The following SH3BGRL2 variants were observed in gnomAD, a reference collection of about 807,000 sequenced individuals.
SH3BGRL2 encodes the protein SH3 domain binding glutamate rich protein like 2.
A neutral mutation model predicts 14.8 loss-of-function variants in SH3BGRL2; 21 were observed. The observed-to-expected ratio is 1.42, with a 90% CI of 1.01 to 2.05. The LOEUF (loss-of-function observed/expected upper bound fraction) is 2.05, where lower values mean the gene tolerates loss of function less well. Ranked by LOEUF, SH3BGRL2 falls within the 30% of genes most tolerant of loss-of-function variation. SH3BGRL2 has a pLI of 0.00. For synonymous variants in SH3BGRL2, 50 were observed against 47.8 expected (o/e 1.05, Z -0.19); for missense variants, 147 against 130.8 (o/e 1.12, Z -0.61).
the SH3BGRL2 span, among the ~76,000 whole-genome samples, chr6:79,593,135 C>G: frequency 6.6e-6 from 1 of 152,274 alleles, no homozygotes; most frequent in African/African-American, 2.4e-5. Context: ...TCATGGAAAT[C>G]TTAGTTTAAA....
At chr6:79,636,207 G>A (rs1369065032) in intron 1 of SH3BGRL2, among the ~76,000 whole-genome samples, 2 of 152,180 alleles carry the variant, frequency 1.3e-5, no homozygotes, top group African/African-American at 2.4e-5. Flanking sequence ...CTCAGGTGGG[G>A]GGACCTTTAG....
chr6:79,649,177 C>T (rs1488721160), intron 1 of SH3BGRL2, among the ~76,000 whole-genome samples: 1 of 152,176 alleles, frequency 6.6e-6, no homozygotes, highest in Non-Finnish European at 1.5e-5. Context: ...TGGAGAATTC[C>T]AGAAGCATAG....
At chr6:79,678,417 C>T (rs917241032) in intron 2 of SH3BGRL2, among the ~76,000 whole-genome samples, 3 of 152,146 alleles carry the variant, frequency 2.0e-5, no homozygotes, top group Non-Finnish European at 4.4e-5. Context: ...GCTTCTTTCA[C>T]TTAGCATATC....
chr6:79,550,827 G>C, the SH3BGRL2 span, among the ~76,000 whole-genome samples: 1 of 152,076 alleles, frequency 6.6e-6, no homozygotes, highest in Admixed American at 6.6e-5. Flanking sequence ...CATGATCATG[G>C]TATCTGTCTG....
chr6:79,567,744 A>T, the SH3BGRL2 span, among the ~76,000 whole-genome samples: 1 of 152,254 alleles, frequency 6.6e-6, no homozygotes, highest in East Asian at 1.9e-4. Flanking sequence ...AGAGATAAAT[A>T]CAACTATCAA....
chr6:79,673,512 C>T, intron 1 of SH3BGRL2, 102 bp from the exon 2 acceptor site: 6 of 1,198,928 alleles, frequency 5.0e-6, no homozygotes, highest in Non-Finnish European at 7.1e-6. Context: ...CATAAATCAC[C>T]TCTTTTTTTG....
intron 1 of SH3BGRL2, among the ~76,000 whole-genome samples, chr6:79,667,275 G>A (rs1769679001): frequency 6.6e-6 from 1 of 152,168 alleles, no homozygotes; most frequent in South Asian, 2.1e-4. Context: ...CTTGGCGCTT[G>A]CCTTGTTTGG....
the SH3BGRL2 span, among the ~76,000 whole-genome samples, chr6:79,600,643 C>T: frequency 4.6e-5 from 7 of 152,156 alleles, no homozygotes; most frequent in African/African-American, 1.7e-4. Flanking sequence ...GGTTCAGAAC[C>T]TGCATTTAAC....
intron 2 of SH3BGRL2, among the ~76,000 whole-genome samples, chr6:79,688,649 T>C (rs1485752810): frequency 4.6e-5 from 7 of 152,148 alleles, no homozygotes. Flanking sequence ...TTAACCTTTG[T>C]AGTAGGAACC....
intron 1 of SH3BGRL2, among the ~76,000 whole-genome samples, chr6:79,661,221 T>C (rs1429494462): frequency 1.3e-5 from 2 of 152,214 alleles, no homozygotes; most frequent in Non-Finnish European, 2.9e-5. Flanking sequence ...AACTGTGATG[T>C]TAGGGTGTCG....
At chr6:79,613,483 C>G in the SH3BGRL2 span, among the ~76,000 whole-genome samples, 4 of 152,234 alleles carry the variant, frequency 2.6e-5, no homozygotes, top group African/African-American at 9.6e-5. Flanking sequence ...TACCCTTTCT[C>G]AATACCTGAT....
chr6:79,585,049 T>TC, the SH3BGRL2 span, among the ~76,000 whole-genome samples: 1 of 141,448 alleles, frequency 7.1e-6, no homozygotes, highest in Admixed American at 7.2e-5. Flanking sequence ...CCCACCTTTT[T>TC]TTTTTAAAAA....
At chr6:79,577,866 A>C in the SH3BGRL2 span, among the ~76,000 whole-genome samples, 3 of 152,196 alleles carry the variant, frequency 2.0e-5, no homozygotes, top group Admixed American at 6.5e-5. Flanking sequence ...TCCCTTTCCT[A>C]GCCAAGGGAA....
the SH3BGRL2 span, among the ~76,000 whole-genome samples, chr6:79,542,983 C>T: frequency 6.6e-6 from 1 of 152,136 alleles, no homozygotes; most frequent in Admixed American, 6.5e-5. Context: ...GAAGTATGGT[C>T]TTATATTTGC....
chr6:79,682,666 A>G (rs1048207724), intron 2 of SH3BGRL2, among the ~76,000 whole-genome samples: 2 of 152,240 alleles, frequency 1.3e-5, no homozygotes, highest in African/African-American at 4.8e-5. Context: ...TGCCCGGAAC[A>G]TCCACTTGAT....
chr6:79,683,980 A>G (rs1408345951), intron 2 of SH3BGRL2, among the ~76,000 whole-genome samples: 2 of 152,210 alleles, frequency 1.3e-5, no homozygotes, highest in Non-Finnish European at 2.9e-5. Context: ...TGCAGTAATA[A>G]TGTGTTACTA....
the SH3BGRL2 span, among the ~76,000 whole-genome samples, chr6:79,545,376 CT>C: frequency 3.9e-5 from 6 of 152,186 alleles, no homozygotes; most frequent in African/African-American, 1.4e-4. Flanking sequence ...ATGATGCATG[CT>C]TTATTACTCA....
chr6:79,646,105 T>C (rs780706335), intron 1 of SH3BGRL2, among the ~76,000 whole-genome samples: 39 of 152,246 alleles, frequency 2.6e-4, no homozygotes, highest in Middle Eastern at 3.2e-3. Context: ...ACCCACTGGG[T>C]GCTAGTAGCA....
At chr6:79,673,928 C>A in intron 2 of SH3BGRL2, 129 bp downstream of exon 2, 1 of 930,186 alleles carries the variant, frequency 1.1e-6, no homozygotes, top group Non-Finnish European at 1.6e-6. Context: ...ATCCACATGT[C>A]TAACAGAGGG....
Sources: allele counts gnomAD v4.1 joint callset (sites outside exome capture counted in the v4.1 genomes callset), GRCh38; gene constraint gnomAD v4.1.1; transcripts MANE v1.5; gene names NCBI Gene and HGNC (gene_info 2026-07-23, HGNC 2026-07-21).